The following FLACC1 variants were observed in gnomAD, a reference collection of about 807,000 sequenced individuals.
The protein encoded by FLACC1 is flagellum-associated coiled-coil domain-containing protein 1.
In FLACC1, 66 loss-of-function variants were observed where a neutral mutation model predicts 62.8. The ratio of observed to expected loss-of-function variants is 1.05; its 90% CI spans 0.86 to 1.29. FLACC1 has a LOEUF of 1.29. Ranked by LOEUF, FLACC1 falls within the 50% of genes most tolerant of loss-of-function variation. The pLI, the probability that FLACC1 is intolerant of heterozygous loss-of-function variation, is 0.00. For missense variants in FLACC1, 452 were observed against 489.1 expected (o/e 0.92, Z 0.71); for synonymous variants, 156 against 161.0 (o/e 0.97, Z 0.24).
At chr2:201,301,429 T>C (rs1349954085) in intron 11 of FLACC1, among the ~76,000 whole-genome samples, 2 of 152,186 alleles carry the variant, frequency 1.3e-5, no homozygotes, top group African/African-American at 4.8e-5. Context: ...TATGGGACTA[T>C]GTGAAAAGAC....
chr2:201,358,306 A>G (rs1244271234), upstream of FLACC1, among the ~76,000 whole-genome samples: 2 of 152,136 alleles, frequency 1.3e-5, no homozygotes, highest in African/African-American at 4.8e-5. Context: ...TGCAGGCTGC[A>G]TGCATAGCTC....
chr2:201,306,151 T>C (rs1337905137), intron 11 of FLACC1, among the ~76,000 whole-genome samples: 5 of 150,748 alleles, frequency 3.3e-5, no homozygotes, highest in African/African-American at 1.2e-4. Flanking sequence ...TCTGCAAGCA[T>C]GGCTGGGGAG....
intron 11 of FLACC1, among the ~76,000 whole-genome samples, chr2:201,303,121 A>G (rs1950021976): frequency 6.6e-6 from 1 of 152,086 alleles, no homozygotes; most frequent in Non-Finnish European, 1.5e-5. Context: ...AAACCCTTCA[A>G]AAAATCAATG....
At chr2:201,311,778 G>A (rs541995221) in intron 9 of FLACC1, among the ~76,000 whole-genome samples, 54 of 150,750 alleles carry the variant, frequency 3.6e-4, no homozygotes, top group African/African-American at 1.1e-3. Flanking sequence ...TTCAACATAC[G>A]TGAATCCATA....
rs565334435 is a variant in FLACC1 at position 201,294,494 on chromosome 2, A to G, written c.943-4709T>C. Among the ~76,000 whole-genome samples, 6 of 152,324 alleles carry G rather than the reference A, an allele frequency of 3.9e-5. No individual in the cohort carries two copies. In the South Asian group the frequency reaches 8.3e-4, roughly 21 times the overall value. ...AAACCGTTCATGCTAAAAACTCTCA[A>G]TAAATTAGGTATTGGTGGGACGAAT... On this transcript the variant is annotated intron_variant, in intron 12 of 14. Coordinates refer to ENST00000392257, the MANE Select transcript of FLACC1 (RefSeq NM_001127391.3).
chr2:201,338,449 C>T (rs571511600), intron 7 of FLACC1, among the ~76,000 whole-genome samples: 76 of 151,988 alleles, frequency 5.0e-4, no homozygotes, highest in African/African-American at 1.7e-3. Flanking sequence ...TGAATAGGAG[C>T]GGTAAAAGTA....
chr2:201,362,771 TTC>T, the FLACC1 span, among the ~76,000 whole-genome samples: 1 of 152,190 alleles, frequency 6.6e-6, no homozygotes, highest in South Asian at 2.1e-4. Context: ...AATCCAGGCA[TTC>T]TTTGGTGACC....
At chr2:201,360,907 G>A (rs184407809), upstream of FLACC1, among the ~76,000 whole-genome samples, 7 of 152,158 alleles carry the variant, frequency 4.6e-5, no homozygotes, top group South Asian at 4.1e-4. Context: ...GTGAAACCCC[G>A]TCTCTACTAA....
At chr2:201,296,892 A>T (rs543039919) in intron 12 of FLACC1, among the ~76,000 whole-genome samples, 1 of 152,168 alleles carries the variant, frequency 6.6e-6, no homozygotes, top group Admixed American at 6.5e-5. Flanking sequence ...GATGGATTGG[A>T]AGGGCAAGAG....
At position 201,300,503 on chromosome 2, in the gene FLACC1, C is replaced by T. The variant is rs1949958693; in HGVS notation, c.880-1203G>A. 2.0e-5 allele frequency among the ~76,000 whole-genome samples: 3 copies of T among 152,268 alleles called. No individual in the cohort carries two copies. The South Asian group carries it at 6.2e-4, about 32-fold the overall frequency. ...GTAGATTCCACTTCTGGGGGCAGGG[C>T]ATAGCTCAACAAAAGGCAGCAGAAA... On this transcript the variant is annotated intron_variant, in intron 11 of 14. Transcript: ENST00000392257.
intron 12 of FLACC1, among the ~76,000 whole-genome samples, chr2:201,297,709 T>C (rs959718364): frequency 2.0e-5 from 3 of 152,184 alleles, no homozygotes; most frequent in African/African-American, 7.2e-5. Context: ...ACCCTTCTAA[T>C]AGGTTCTGCC....
intron 9 of FLACC1, among the ~76,000 whole-genome samples, chr2:201,323,128 C>G (rs1449711709): frequency 2.0e-5 from 3 of 152,032 alleles, no homozygotes; most frequent in African/African-American, 7.2e-5. Flanking sequence ...AACTGGTGTT[C>G]CAGAGGAAGA....
chr2:201,322,965 T>C (rs1950433145), intron 9 of FLACC1, among the ~76,000 whole-genome samples: 1 of 151,990 alleles, frequency 6.6e-6, no homozygotes, highest in African/African-American at 2.4e-5. Flanking sequence ...GCTTTAACAA[T>C]AGACTAGAAC....
Position 201,289,815 on chromosome 2 carries a change from C to G in FLACC1, c.943-30G>C, listed in dbSNP as rs1301018176. 4 of 1,614,022 alleles carry G rather than the reference C, an allele frequency of 2.5e-6. No individual in the cohort carries two copies. The highest frequency in any genetic ancestry group is 3.4e-6 in the Non-Finnish European group (4 of 1,180,022). ...ATAAGAAGAAGCTGTTGCAGGACAT[C>G]ATGCCAATGTCTATTTATTTGGTCT... is the stretch of plus-strand genomic sequence containing the variant. On this transcript the variant is annotated intron_variant, in intron 12 of 14. Transcript: ENST00000392257.
chr2:201,310,691 T>C (rs1374453943), intron 9 of FLACC1, among the ~76,000 whole-genome samples: 1 of 152,194 alleles, frequency 6.6e-6, no homozygotes, highest in Non-Finnish European at 1.5e-5. Context: ...TACATTCTTT[T>C]TGGATGGCAA....
At position 201,296,855 on chromosome 2, in the gene FLACC1, CTT is replaced by C. The variant is rs544140651; in HGVS notation, c.942+2381_942+2382del. ...TAAGCAGAGAAGTGAATGCACGTAT[CTT>C]ACTGTTTACATTATGCTCCATGGGG... On this transcript the variant is annotated intron_variant, in intron 12 of 14. Coordinates refer to ENST00000392257, the MANE Select transcript of FLACC1 (RefSeq NM_001127391.3). 4.9e-4 allele frequency among the ~76,000 whole-genome samples: 74 copies of C among 152,206 alleles called. 1 individual carries two copies. The highest frequency in any genetic ancestry group is 4.1e-3 in the South Asian group (20 of 4,826).
At chr2:201,321,347 C>G (rs568193650) in intron 9 of FLACC1, among the ~76,000 whole-genome samples, 7 of 152,270 alleles carry the variant, frequency 4.6e-5, no homozygotes, top group African/African-American at 1.7e-4. Flanking sequence ...CAAGAGAACA[C>G]CCTGTGGGAG....
chr2:201,303,779 G>A (rs960265844), intron 11 of FLACC1, among the ~76,000 whole-genome samples: 3 of 152,186 alleles, frequency 2.0e-5, no homozygotes, highest in Non-Finnish European at 4.4e-5. Context: ...TTCAACATAC[G>A]CAAATCAATA....
chr2:201,335,151 G>A (rs970578510), intron 7 of FLACC1, among the ~76,000 whole-genome samples: 1 of 151,856 alleles, frequency 6.6e-6, no homozygotes, highest in East Asian at 1.9e-4. Context: ...TTTCATTTCT[G>A]ATCTTATTTA....
Sources: allele counts gnomAD v4.1 joint callset (sites outside exome capture counted in the v4.1 genomes callset), GRCh38; gene constraint gnomAD v4.1.1; transcripts MANE v1.5; gene names NCBI Gene and HGNC (gene_info 2026-07-23, HGNC 2026-07-21).